The following CNTNAP2 variants were observed in gnomAD, a reference collection of about 807,000 sequenced individuals.
The protein encoded by CNTNAP2 is contactin associated protein 2, also known as contactin-associated protein-like 2.
CNTNAP2 carries 98 observed loss-of-function variants against 155.2 expected under a neutral mutation model. The observed-to-expected ratio is 0.63, with a 90% confidence interval of 0.54 to 0.75. The LOEUF (loss-of-function observed/expected upper bound fraction) is 0.75, where lower values mean the gene tolerates loss of function less well. CNTNAP2 is among the 30% of genes least tolerant of loss of function. The probability of loss-of-function intolerance (pLI) is 0.00; values close to 1 mark genes in which losing one functional copy is unlikely to be tolerated. For missense variants in CNTNAP2, 1,727 were observed against 1,688.1 expected, an observed-to-expected ratio of 1.02 and a Z score of -0.40; for synonymous variants, 651 against 631.2, an observed-to-expected ratio of 1.03 and a Z score of -0.47.
intron 13 of CNTNAP2, among the ~76,000 whole-genome samples, chr7:147,642,651 A>T (rs913260126): frequency 1.9e-4 from 29 of 152,186 alleles, no homozygotes; most frequent in African/African-American, 7.0e-4. Context: ...TAACCTCTAG[A>T]TACCCCTTTC....
chr7:147,617,622 C>A (rs1045252198), intron 12 of CNTNAP2, among the ~76,000 whole-genome samples: 6 of 152,112 alleles, frequency 3.9e-5, no homozygotes, highest in Admixed American at 3.3e-4. Flanking sequence ...TGCCACCAAG[C>A]ATAACCCCAC....
chr7:147,943,548 C>G (rs1168712645), intron 14 of CNTNAP2, among the ~76,000 whole-genome samples: 1 of 151,902 alleles, frequency 6.6e-6, no homozygotes, highest in African/African-American at 2.4e-5. Flanking sequence ...GTGGGCAGAT[C>G]ACTAGAGGCC....
At chr7:146,802,338 A>T (rs539454525) in intron 2 of CNTNAP2, among the ~76,000 whole-genome samples, 2 of 152,218 alleles carry the variant, frequency 1.3e-5, no homozygotes, top group South Asian at 4.2e-4. Context: ...CTTACATCAA[A>T]TCCCTGTCTT....
At chr7:147,586,004 A>G (rs761814999) in intron 12 of CNTNAP2, among the ~76,000 whole-genome samples, 35 of 152,282 alleles carry the variant, frequency 2.3e-4, no homozygotes, top group Non-Finnish European at 4.1e-4. Context: ...CAATCAATAC[A>G]TGTAAGATGT....
chr7:147,973,160 T>TTAAAAAAAA (rs1316701536), intron 14 of CNTNAP2, among the ~76,000 whole-genome samples: 6 of 120,856 alleles, frequency 5.0e-5, no homozygotes, highest in South Asian at 2.7e-4. Flanking sequence ...TCTCTAAAAT[T>TTAAAAAAAA]AAAAAAAAAA....
intron 12 of CNTNAP2, among the ~76,000 whole-genome samples, chr7:147,604,397 A>G (rs963088509): frequency 1.3e-5 from 2 of 152,208 alleles, no homozygotes; most frequent in Non-Finnish European, 2.9e-5. Context: ...GTCTATTGCA[A>G]TTGTTACTCT....
At chr7:147,769,754 T>C (rs1023404439) in intron 13 of CNTNAP2, among the ~76,000 whole-genome samples, 7 of 152,136 alleles carry the variant, frequency 4.6e-5, no homozygotes, top group African/African-American at 1.7e-4. Flanking sequence ...GCAAGATATG[T>C]ATAAGAAATG....
chr7:146,956,397 C>T (rs1462304395), intron 3 of CNTNAP2, among the ~76,000 whole-genome samples: 1 of 152,158 alleles, frequency 6.6e-6, no homozygotes, highest in Admixed American at 6.5e-5. Flanking sequence ...TTCACTACAT[C>T]ACTTGAAGTT....
At chr7:146,583,715 T>TATATAAATATATATAA (rs1798646730) in intron 1 of CNTNAP2, among the ~76,000 whole-genome samples, 2 of 152,226 alleles carry the variant, frequency 1.3e-5, no homozygotes, top group Non-Finnish European at 2.9e-5. Flanking sequence ...TAATGCAATT[T>TATATAAATATATATAA]ATATAAATAT....
intron 13 of CNTNAP2, among the ~76,000 whole-genome samples, chr7:147,829,976 T>A (rs971808847): frequency 4.6e-5 from 7 of 151,906 alleles, no homozygotes; most frequent in African/African-American, 1.7e-4. Flanking sequence ...TCTCCCAGAA[T>A]CCTGGAGCTG....
intron 13 of CNTNAP2, among the ~76,000 whole-genome samples, chr7:147,738,458 T>C (rs10230498): frequency 0.79 from 119,927 of 152,140 alleles, 47,447 homozygotes; most frequent in East Asian, 0.99. Context: ...CAACAACAAC[T>C]GCCCTCATCA....
intron 1 of CNTNAP2, among the ~76,000 whole-genome samples, chr7:146,541,596 G>T (rs568651726): frequency 2.0e-4 from 30 of 151,888 alleles, no homozygotes; most frequent in African/African-American, 7.2e-4. Flanking sequence ...TATTTTTGTT[G>T]TTATTCTGCT....
intron 1 of CNTNAP2, among the ~76,000 whole-genome samples, chr7:146,618,614 G>T (rs1799266642): frequency 6.6e-6 from 1 of 152,092 alleles, no homozygotes; most frequent in Admixed American, 6.5e-5. Context: ...GCACTTATAA[G>T]CATTGCATAT....
chr7:147,742,756 C>T (rs893158829), intron 13 of CNTNAP2, among the ~76,000 whole-genome samples: 3 of 152,196 alleles, frequency 2.0e-5, no homozygotes, highest in Non-Finnish European at 4.4e-5. Context: ...TATGACTTTG[C>T]CCCTTCTCAG....
chr7:148,396,450 T>G (rs1012321226), intron 22 of CNTNAP2, among the ~76,000 whole-genome samples: 1 of 152,182 alleles, frequency 6.6e-6, no homozygotes, highest in Non-Finnish European at 1.5e-5. Context: ...CCATCACTTC[T>G]TTTACGGCCT....
chr7:148,368,226 AC>A (rs1252642008), intron 21 of CNTNAP2, among the ~76,000 whole-genome samples: 1 of 152,044 alleles, frequency 6.6e-6, no homozygotes, highest in African/African-American at 2.4e-5. Flanking sequence ...TCGCAGGGGG[AC>A]ACATCTTCAG....
At chr7:147,663,268 T>A (rs1293836942) in intron 13 of CNTNAP2, among the ~76,000 whole-genome samples, 1 of 152,250 alleles carries the variant, frequency 6.6e-6, no homozygotes, top group East Asian at 1.9e-4. Context: ...CGTGCTGGGA[T>A]TACAGGCGTA....
intron 12 of CNTNAP2, among the ~76,000 whole-genome samples, chr7:147,632,300 T>C (rs28809892): frequency 0.09 from 13,665 of 152,046 alleles, 1,706 homozygotes; most frequent in African/African-American, 0.26. Context: ...GGTGGTTCGG[T>C]TGTGTCCCCA....
intron 19 of CNTNAP2, among the ~76,000 whole-genome samples, chr7:148,228,299 A>T (rs1330473547): frequency 2.6e-5 from 4 of 152,222 alleles, no homozygotes; most frequent in Admixed American, 2.6e-4. Flanking sequence ...TAAAAGCAGG[A>T]TCTACATTGT....
Sources: gnomAD v4.1 joint callset for allele counts (sites outside exome capture counted in the v4.1 genomes callset) on GRCh38, gnomAD v4.1.1 for gene constraint, MANE v1.5 for transcripts, NCBI Gene and HGNC (gene_info 2026-07-23, HGNC 2026-07-21) for gene names.